The following ACACA variants were observed in gnomAD, a reference collection of about 807,000 sequenced individuals.
ACACA encodes acetyl-CoA carboxylase 1.
In ACACA, 103 loss-of-function variants were observed where a neutral mutation model predicts 296.1. The observed-to-expected ratio is 0.35, with a 90% CI of 0.30 to 0.41. The LOEUF (loss-of-function observed/expected upper bound fraction) is 0.41. Among genes scored for constraint, ACACA ranks in the 10% least tolerant of loss-of-function variants. The pLI is 1.00. For missense variants in ACACA, 1,554 were observed against 2,989.7 expected (o/e 0.52, Z 11.20); for synonymous variants, 953 against 1,038.6 (o/e 0.92, Z 1.58).
chr17:37,313,715 G>C (rs1291523379), intron 3 of ACACA, among the ~76,000 whole-genome samples: 1 of 152,174 alleles, frequency 6.6e-6, no homozygotes, highest in African/African-American at 2.4e-5. Context: ...CCTTGTATTG[G>C]TGGTTCCCTT....
chr17:37,276,007 G>A lies in ACACA; in HGVS notation c.845C>T (p.Ala282Val). ...QAMWALGDKI[A>V]SSIVAQTAGI... Reference sequence around the variant, plus strand: ...TGCAGTTTGAGCCACTATGGAAGATGCAATCTTATCCCCTAAAGCCCACAT... The same window carrying A: ...TGCAGTTTGAGCCACTATGGAAGATACAATCTTATCCCCTAAAGCCCACAT... The change falls in exon 8 of 56, where the codon GCA becomes GTA. Residue 282 changes from alanine to valine, a missense_variant. By Grantham distance (64) the Ala-to-Val change is moderately conservative. Around this residue, in one of 16 missense-constraint regions of ACACA, gnomAD observed 29 missense variants for 90.3 expected, o/e 0.32. Transcript: ENST00000616317. 1.2e-6 allele frequency: 2 copies of A among 1,614,218 alleles called. No individual in the cohort carries two copies. Among genetic ancestry groups the A allele is most frequent in the Non-Finnish European group, 1.7e-6 (2 of 1,180,016 alleles).
At chr17:37,395,132 T>A (rs1478655501) in intron 1 of ACACA, among the ~76,000 whole-genome samples, 1 of 152,032 alleles carries the variant, frequency 6.6e-6, no homozygotes, top group Non-Finnish European at 1.5e-5. Flanking sequence ...TCACACCACT[T>A]TAAATCTGTC....
intron 25 of ACACA, 85 bp downstream of exon 25, chr17:37,234,890 T>C (rs1160441755): frequency 6.7e-7 from 1 of 1,490,504 alleles, no homozygotes; most frequent in South Asian, 1.1e-5. Flanking sequence ...GTAGTTTTTT[T>C]TCTCTGGCCA....
At chr17:37,233,162 C>T (rs1485786756) in intron 25 of ACACA, among the ~76,000 whole-genome samples, 1 of 152,180 alleles carries the variant, frequency 6.6e-6, no homozygotes, top group African/African-American at 2.4e-5. Context: ...CAGCACCCCC[C>T]GCGTAATTAC....
chr17:37,131,026 G>A (rs533360858), intron 45 of ACACA, among the ~76,000 whole-genome samples: 15 of 151,800 alleles, frequency 9.9e-5, no homozygotes, highest in African/African-American at 3.6e-4. Flanking sequence ...GCAAAAACCT[G>A]AAGCAACTCA....
At chr17:37,309,873 G>A (rs113926777) in intron 3 of ACACA, among the ~76,000 whole-genome samples, 149 of 151,946 alleles carry the variant, frequency 9.8e-4, no homozygotes, top group African/African-American at 3.5e-3. Flanking sequence ...GCCACATAGT[G>A]AGAACACATC....
intron 1 of ACACA, among the ~76,000 whole-genome samples, chr17:37,400,209 T>C (rs913562317): frequency 1.1e-4 from 17 of 152,134 alleles, no homozygotes; most frequent in Non-Finnish European, 2.4e-4. Context: ...AACCTCTGCC[T>C]CCCGGGTTCA....
Position 37,245,179 on chromosome 17 carries a change from C to T in ACACA, c.2496G>A (p.Glu832=). 1.2e-6 allele frequency: 2 copies of T among 1,614,084 alleles called. No individual in the cohort carries two copies. Among genetic ancestry groups the T allele is most frequent in the South Asian group, 1.1e-5 (1 of 91,082 alleles). ...MKMVMTLTAV[E]SGCIHYVKRP... ...GCTTGACGTAATGGATACAGCCAGA[C>T]TCCACAGCTGTTAAGGTCATTACCA... Residue 832 remains glutamate (E), a synonymous_variant, in exon 20 of 56, where the codon GAG becomes GAA. Coordinates refer to ENST00000616317, the MANE Select transcript of ACACA (RefSeq NM_198834.3).
intron 3 of ACACA, among the ~76,000 whole-genome samples, chr17:37,288,347 G>A (rs553117057): frequency 1.3e-5 from 2 of 152,194 alleles, no homozygotes; most frequent in African/African-American, 4.8e-5. Flanking sequence ...GTATCAGACT[G>A]AGCAATAACA....
At chr17:37,221,868 A>G (rs779269142) in intron 28 of ACACA, 26 bp from the exon 29 acceptor site, 2 of 1,579,728 alleles carry the variant, frequency 1.3e-6, no homozygotes, top group South Asian at 1.1e-5. Flanking sequence ...CCCTCAGTAA[A>G]TAAATTTCAA....
At chr17:37,226,072 T>C (rs1244898787) in intron 26 of ACACA, among the ~76,000 whole-genome samples, 1 of 152,200 alleles carries the variant, frequency 6.6e-6, no homozygotes, top group Non-Finnish European at 1.5e-5. Context: ...TGGTTTACTA[T>C]CACAGGGCTA....
chr17:37,225,302 T>C, intron 26 of ACACA, 197 bp from the exon 27 acceptor site: 1 of 547,358 alleles, frequency 1.8e-6, no homozygotes. Flanking sequence ...CTCAGTTGAC[T>C]CTCACCATGA....
intron 52 of ACACA, among the ~76,000 whole-genome samples, chr17:37,098,651 G>A (rs759570868): frequency 1.1e-4 from 16 of 152,294 alleles, no homozygotes; most frequent in African/African-American, 3.8e-4. Flanking sequence ...GTGCTCTCCC[G>A]CCTGGGCTGC....
intron 3 of ACACA, among the ~76,000 whole-genome samples, chr17:37,290,335 C>T (rs1447991310): frequency 6.6e-6 from 1 of 152,184 alleles, no homozygotes; most frequent in African/African-American, 2.4e-5. Context: ...AAGTGTGAGC[C>T]ACCATACCTA....
chr17:37,246,360 G>T (rs557422127), intron 19 of ACACA, among the ~76,000 whole-genome samples: 1 of 151,988 alleles, frequency 6.6e-6, no homozygotes, highest in African/African-American at 2.4e-5. Context: ...CTTAAGGTTC[G>T]CACTTCTAAT....
chr17:37,101,078 C>T (rs550986760), intron 52 of ACACA, among the ~76,000 whole-genome samples: 2 of 134,620 alleles, frequency 1.5e-5, no homozygotes, highest in South Asian at 4.6e-4. Context: ...GCCTGAGTGA[C>T]TGTCTCAGAA....
intron 22 of ACACA, among the ~76,000 whole-genome samples, chr17:37,242,882 A>G (rs1459766774): frequency 6.6e-6 from 1 of 152,160 alleles, no homozygotes; most frequent in Non-Finnish European, 1.5e-5. Flanking sequence ...CTAAAAATGC[A>G]AAAATTAGCT....
At chr17:37,384,712 G>T (rs1206259383) in intron 1 of ACACA, among the ~76,000 whole-genome samples, 1 of 152,132 alleles carries the variant, frequency 6.6e-6, no homozygotes, top group East Asian at 1.9e-4. Context: ...TTTTGAACTT[G>T]TTGACTTTAT....
Position 37,097,729 on chromosome 17 carries a change from T to A in ACACA, c.6720+101A>T. ...TTTTGATCTGCAGAAGTTGTTTTAA[T>A]TTGGCCCTCATAGCTCCCTGCTTAT... On this transcript the variant is annotated intron_variant, in intron 53 of 55. Transcript: ENST00000616317. This position sits in a 1 kb window ranked among gnomAD's most constrained non-coding sequence, Gnocchi z 4.8. 2 of 1,427,346 alleles carry A rather than the reference T, an allele frequency of 1.4e-6. No individual in the cohort carries two copies. The highest frequency in any genetic ancestry group is 9.7e-7 in the Non-Finnish European group (1 of 1,035,726). The allele number at this position is 1,427,346 out of a possible 1,614,324, so 88.4% of individuals were successfully genotyped here.
Sources: gnomAD v4.1 joint callset for allele counts (sites outside exome capture counted in the v4.1 genomes callset) on GRCh38, gnomAD v4.1.1 for gene constraint, gnomAD v4.1.1 regional missense constraint, Gnocchi (gnomAD v3.1) non-coding constraint, MANE v1.5 for transcripts, NCBI Gene and HGNC (gene_info 2026-07-23, HGNC 2026-07-21) for gene names.